The following NR6A1 variants were observed in gnomAD, a reference collection of about 807,000 sequenced individuals.
NR6A1 encodes nuclear receptor subfamily 6 group A member 1, also known as retinoic acid receptor-related testis-associated receptor.
In NR6A1, 7 loss-of-function variants were observed where a neutral mutation model predicts 59.1. That is an observed-to-expected ratio of 0.12 (90% CI 0.07 to 0.22). The LOEUF is 0.22. Ranked by LOEUF, NR6A1 falls within the 10% of genes least tolerant of loss-of-function variation. The pLI is 1.00. For missense variants in NR6A1, 468 were observed against 611.6 expected, an observed-to-expected ratio of 0.77 and a Z score of 2.48; for synonymous variants, 243 against 236.1, an observed-to-expected ratio of 1.03 and a Z score of -0.27.
At chr9:124,657,748 C>G (rs192186126) in intron 2 of NR6A1, among the ~76,000 whole-genome samples, 8 of 152,152 alleles carry the variant, frequency 5.3e-5, no homozygotes, top group South Asian at 2.1e-4. Context: ...GCTTCCCCCC[C>G]CCAGCAACCC....
chr9:124,571,142 G>T (rs1021605103), intron 2 of NR6A1, among the ~76,000 whole-genome samples: 6 of 152,204 alleles, frequency 3.9e-5, no homozygotes, highest in African/African-American at 1.4e-4. Context: ...TCTAGAAGAG[G>T]TATCACCTGA....
intron 5 of NR6A1, among the ~76,000 whole-genome samples, chr9:124,538,552 T>C (rs1183509209): frequency 1.3e-5 from 2 of 152,236 alleles, no homozygotes; most frequent in African/African-American, 4.8e-5. Flanking sequence ...ACTCAGTGCA[T>C]GGCAGAGTAG....
In NR6A1 at chr9:124,521,044, G is replaced by A. The variant is rs1832789814; in HGVS notation, c.*1661C>T. The A allele has an allele frequency of 6.6e-6, 1 of 152,256 alleles. No homozygotes were observed. Among genetic ancestry groups the A allele is most frequent in the Non-Finnish European group, 1.5e-5 (1 of 68,050 alleles). The allele number at this position is 152,256 out of a possible 1,614,324, so 9.4% of individuals were successfully genotyped here. On this transcript the variant is annotated 3_prime_UTR_variant, in exon 10 of 10. Transcript: ENST00000487099. Reference sequence around the variant, plus strand: ...CCCTCCTGGGTAGCTTTACTAGGTTGAGTTGAGGAGACAGCAAACAGCCTT... The same window carrying A: ...CCCTCCTGGGTAGCTTTACTAGGTTAAGTTGAGGAGACAGCAAACAGCCTT...
At chr9:124,638,263 TAA>T (rs35053088) in intron 2 of NR6A1, among the ~76,000 whole-genome samples, 20 of 139,592 alleles carry the variant, frequency 1.4e-4, no homozygotes, top group East Asian at 2.0e-4. Context: ...CTTTGGTGTT[TAA>T]AAAAAAAAAA....
intron 1 of NR6A1, among the ~76,000 whole-genome samples, chr9:124,766,403 TTAGA>T (rs1840934780): frequency 6.6e-6 from 1 of 152,254 alleles, no homozygotes; most frequent in Admixed American, 6.5e-5. Context: ...TGTGGGCAGA[TTAGA>T]TAGCTACCTT....
At chr9:124,689,563 C>A (rs1334995388) in intron 2 of NR6A1, among the ~76,000 whole-genome samples, 1 of 152,138 alleles carries the variant, frequency 6.6e-6, no homozygotes, top group African/African-American at 2.4e-5. Flanking sequence ...AGATACATAA[C>A]CTTATTGGAT....
chr9:124,598,662 A>T, intron 2 of NR6A1: 1 of 395,318 alleles, frequency 2.5e-6, no homozygotes, highest in South Asian at 3.8e-5. Flanking sequence ...AAAAAAAAAA[A>T]AAAAAAACAA....
chr9:124,691,572 T>C (rs938171334), intron 2 of NR6A1, among the ~76,000 whole-genome samples: 1 of 152,206 alleles, frequency 6.6e-6, no homozygotes. Context: ...GAATCAAAAA[T>C]AACCACTATG....
At chr9:124,718,667 T>G (rs537297384) in intron 2 of NR6A1, among the ~76,000 whole-genome samples, 41 of 152,200 alleles carry the variant, frequency 2.7e-4, no homozygotes, top group African/African-American at 7.9e-4. Context: ...GTAATCTCAT[T>G]TTCCCAAAAA....
chr9:124,662,890 A>T, intron 2 of NR6A1, among the ~76,000 whole-genome samples: 1 of 152,300 alleles, frequency 6.6e-6, no homozygotes, highest in African/African-American at 2.4e-5. Context: ...CAGAAAGCAA[A>T]TTTTTATCTG....
rs569036384 is a variant in NR6A1, at chr9:124,546,689, A to T, written c.386-2832T>A. ...TTGAAAGACTAATATAAACAGCAGT[A>T]CCCATTTAGAGATGATAAAATCGGT... On this transcript the variant is annotated intron_variant, in intron 3 of 9. Transcript: ENST00000487099. Among the ~76,000 whole-genome samples, 91 of 152,354 alleles carry T rather than the reference A, an allele frequency of 6.0e-4. 1 individual carries two copies. The South Asian group carries it at 0.018, about 31-fold the overall frequency.
intron 2 of NR6A1, among the ~76,000 whole-genome samples, chr9:124,573,709 T>A (rs944758277): frequency 6.6e-6 from 1 of 152,172 alleles, no homozygotes; most frequent in African/African-American, 2.4e-5. Context: ...TAAATACTAA[T>A]CTATAGGAGA....
chr9:124,687,322 G>C (rs1838369363), intron 2 of NR6A1, among the ~76,000 whole-genome samples: 1 of 58,778 alleles, frequency 1.7e-5, no homozygotes, highest in African/African-American at 1.3e-4. Flanking sequence ...TTATTTATTG[G>C]TAGAGACAAG....
intron 2 of NR6A1, among the ~76,000 whole-genome samples, chr9:124,705,655 T>G (rs1839105279): frequency 6.6e-6 from 1 of 152,204 alleles, no homozygotes; most frequent in Non-Finnish European, 1.5e-5. Flanking sequence ...ACATTCACAT[T>G]TAATATAACT....
intron 1 of NR6A1, among the ~76,000 whole-genome samples, chr9:124,753,776 A>G (rs901222789): frequency 2.6e-5 from 4 of 152,182 alleles, no homozygotes; most frequent in African/African-American, 4.8e-5. Flanking sequence ...GGCTTCCTGT[A>G]TATCAGAGAC....
In NR6A1 at chr9:124,551,653, G is replaced by A. The variant is rs895200151; in HGVS notation, c.385+2675C>T. Among the ~76,000 whole-genome samples the A allele has an allele frequency of 5.9e-5, 9 of 152,308 alleles. No individual in the cohort carries two copies. The East Asian group carries it at 9.7e-4, about 16-fold the overall frequency. ...TCTCCAACCCCTTAAGTGTGGTTATGTGACTAATTTGTAACACCAGCTAGA... is the reference window on the plus strand; with the variant it reads ...TCTCCAACCCCTTAAGTGTGGTTATATGACTAATTTGTAACACCAGCTAGA... On this transcript the variant is annotated intron_variant, in intron 3 of 9. Coordinates refer to ENST00000487099, the MANE Select transcript of NR6A1 (RefSeq NM_033334.4).
At chr9:124,599,607 G>A in intron 2 of NR6A1, 1 of 1,171,560 alleles carries the variant, frequency 8.5e-7, no homozygotes, top group Non-Finnish European at 1.1e-6. Flanking sequence ...CGGCCGCTCG[G>A]CTGAGTCGGT....
At chr9:124,613,665 C>T (rs1588710073) in intron 2 of NR6A1, among the ~76,000 whole-genome samples, 1 of 151,418 alleles carries the variant, frequency 6.6e-6, no homozygotes, top group East Asian at 1.9e-4. Context: ...CTATCTCAAA[C>T]AAAACAAAAA....
intron 2 of NR6A1, among the ~76,000 whole-genome samples, chr9:124,593,161 G>T (rs1453902625): frequency 6.6e-6 from 1 of 152,150 alleles, no homozygotes; most frequent in Non-Finnish European, 1.5e-5. Context: ...CAACTTTAGT[G>T]CATTTAAAAA....
Sources: gnomAD v4.1 joint callset for allele counts (sites outside exome capture counted in the v4.1 genomes callset) on GRCh38, gnomAD v4.1.1 for gene constraint, MANE v1.5 for transcripts, NCBI Gene and HGNC (gene_info 2026-07-23, HGNC 2026-07-21) for gene names.